The following CERS6 variants were observed in gnomAD, a reference collection of about 807,000 sequenced individuals.
CERS6 encodes ceramide synthase 6.
A neutral mutation model predicts 56.8 loss-of-function variants in CERS6; 26 were observed. The ratio of observed to expected loss-of-function variants is 0.46; its 90% CI spans 0.34 to 0.63. CERS6 has a LOEUF of 0.63. CERS6 is among the 30% of genes least tolerant of loss of function. The pLI is 0.01. For missense variants in CERS6, 415 were observed against 467.5 expected (o/e 0.89, Z 1.04); for synonymous variants, 164 against 173.3 (o/e 0.95, Z 0.42).
chr2:168,630,804 T>A (rs1168204360), intron 3 of CERS6, among the ~76,000 whole-genome samples, 181 bp from the exon 4 acceptor site: 2 of 152,214 alleles, frequency 1.3e-5, no homozygotes, highest in Admixed American at 6.5e-5. Context: ...ATATTTTCTA[T>A]AAGCCATGTA....
intron 8 of CERS6, among the ~76,000 whole-genome samples, chr2:168,750,182 C>A (rs570165385): frequency 6.6e-6 from 1 of 152,300 alleles, no homozygotes; most frequent in South Asian, 2.1e-4. Flanking sequence ...TTCTACCTTG[C>A]ATCCAGCCCT....
At chr2:168,490,808 G>T (rs529323475) in intron 1 of CERS6, among the ~76,000 whole-genome samples, 3 of 152,092 alleles carry the variant, frequency 2.0e-5, no homozygotes, top group African/African-American at 7.2e-5. Flanking sequence ...TACAAAGTAC[G>T]TCTATACCTC....
intron 1 of CERS6, among the ~76,000 whole-genome samples, chr2:168,463,437 T>C (rs761504837): frequency 2.6e-5 from 4 of 152,222 alleles, no homozygotes; most frequent in Non-Finnish European, 5.9e-5. Flanking sequence ...ATTTCCAGTT[T>C]ATATAAGTCT....
At chr2:168,674,362 G>C (rs868283178) in intron 4 of CERS6, among the ~76,000 whole-genome samples, 12 of 152,238 alleles carry the variant, frequency 7.9e-5, no homozygotes, top group African/African-American at 2.9e-4. Context: ...CCACAGCTAA[G>C]GATTGTCTAA....
chr2:168,566,045 A>G (rs190053393), intron 3 of CERS6, among the ~76,000 whole-genome samples: 1 of 152,316 alleles, frequency 6.6e-6, no homozygotes, highest in Admixed American at 6.5e-5. Context: ...TATTTGCTGG[A>G]TGTAACAGAA....
intron 9 of CERS6, among the ~76,000 whole-genome samples, chr2:168,767,114 A>G (rs986580793): frequency 6.6e-6 from 1 of 152,198 alleles, no homozygotes; most frequent in African/African-American, 2.4e-5. Flanking sequence ...CCTTAATTGC[A>G]TTGCTATTTC....
intron 1 of CERS6, among the ~76,000 whole-genome samples, chr2:168,509,279 C>G (rs1694736909): frequency 1.3e-5 from 2 of 152,152 alleles, no homozygotes; most frequent in African/African-American, 2.4e-5. Context: ...AGCAGTAAAA[C>G]CCATGGAGAG....
At chr2:168,558,596 G>A (rs569039112) in intron 2 of CERS6, among the ~76,000 whole-genome samples, 19 of 152,338 alleles carry the variant, frequency 1.2e-4, no homozygotes, top group African/African-American at 3.8e-4. Context: ...TAGGCTGGGC[G>A]CGGTGGCTCA....
chr2:168,628,021 C>T (rs1684629403), intron 3 of CERS6, among the ~76,000 whole-genome samples: 2 of 152,082 alleles, frequency 1.3e-5, no homozygotes, highest in African/African-American at 4.8e-5. Flanking sequence ...CTTTATCTTA[C>T]CCGGCAGTCT....
intron 1 of CERS6, among the ~76,000 whole-genome samples, chr2:168,543,639 T>G (rs1309859209): frequency 3.9e-5 from 6 of 152,238 alleles, no homozygotes; most frequent in Admixed American, 6.5e-5. Context: ...ATATAATCAG[T>G]AATACCTATT....
chr2:168,562,785 A>G (rs1359212711), intron 3 of CERS6, among the ~76,000 whole-genome samples: 1 of 152,188 alleles, frequency 6.6e-6, no homozygotes, highest in East Asian at 1.9e-4. Context: ...AACCTGGTGG[A>G]TACAATCAGC....
chr2:168,590,285 T>C (rs1042656367), intron 3 of CERS6, among the ~76,000 whole-genome samples: 4 of 152,352 alleles, frequency 2.6e-5, no homozygotes, highest in South Asian at 4.1e-4. Flanking sequence ...ATTTGATCTT[T>C]TGGCCATTTT....
chr2:168,554,332 A>C (rs1695637286), intron 2 of CERS6, among the ~76,000 whole-genome samples: 1 of 152,208 alleles, frequency 6.6e-6, no homozygotes, highest in Admixed American at 6.5e-5. Flanking sequence ...TTTCTTCCCC[A>C]AAATGTATAC....
chr2:168,738,362 T>C (rs1366052041), intron 8 of CERS6, among the ~76,000 whole-genome samples: 1 of 152,230 alleles, frequency 6.6e-6, no homozygotes, highest in Non-Finnish European at 1.5e-5. Flanking sequence ...GATTATTAAA[T>C]GATAAATAAT....
intron 8 of CERS6, among the ~76,000 whole-genome samples, chr2:168,757,617 C>T (rs1026851199): frequency 2.0e-5 from 3 of 152,170 alleles, no homozygotes; most frequent in African/African-American, 7.2e-5. Context: ...CATGGTGGCT[C>T]ATGCCTGTAA....
At chr2:168,596,417 A>T (rs1023429513) in intron 3 of CERS6, among the ~76,000 whole-genome samples, 8 of 152,254 alleles carry the variant, frequency 5.3e-5, no homozygotes, top group Admixed American at 4.6e-4. Context: ...TGTTCAGGGA[A>T]ATGTAGATGA....
chr2:168,603,060 G>A (rs1374745248), intron 3 of CERS6, among the ~76,000 whole-genome samples: 3 of 152,172 alleles, frequency 2.0e-5, no homozygotes, highest in Non-Finnish European at 4.4e-5. Flanking sequence ...TCATTCCATG[G>A]AAGGAGAAAC....
chr2:168,521,591 G>A (rs1694984340), intron 1 of CERS6, among the ~76,000 whole-genome samples: 1 of 152,152 alleles, frequency 6.6e-6, no homozygotes, highest in South Asian at 2.1e-4. Flanking sequence ...AGCTTCTAGG[G>A]TGCATTTGAA....
intron 1 of CERS6, among the ~76,000 whole-genome samples, chr2:168,512,780 G>C (rs1356614812): frequency 6.6e-6 from 1 of 151,216 alleles, no homozygotes; most frequent in Non-Finnish European, 1.5e-5. Context: ...CGATTCTCCT[G>C]CTTCAGCCTC....
Sources: allele counts gnomAD v4.1 joint callset (sites outside exome capture counted in the v4.1 genomes callset), GRCh38; gene constraint gnomAD v4.1.1; transcripts MANE v1.5; gene names NCBI Gene and HGNC (gene_info 2026-07-23, HGNC 2026-07-21).